The following NKAIN2 variants were observed in gnomAD, a reference collection of about 807,000 sequenced individuals.
NKAIN2 encodes the protein sodium/potassium transporting ATPase interacting 2, also known as sodium/potassium-transporting ATPase subunit beta-1-interacting protein 2.
NKAIN2 carries 14 observed loss-of-function variants against 32.6 expected under a neutral mutation model. The ratio of observed to expected loss-of-function variants is 0.43; its 90% CI spans 0.28 to 0.67. The LOEUF is 0.67. NKAIN2 is among the 30% of genes least tolerant of loss of function. The pLI is 0.17. For missense variants in NKAIN2, 198 were observed against 258.3 expected (o/e 0.77, Z 1.60); for synonymous variants, 80 against 87.2 (o/e 0.92, Z 0.46).
chr6:124,759,926 A>G (rs560487213), intron 4 of NKAIN2, among the ~76,000 whole-genome samples: 2 of 151,922 alleles, frequency 1.3e-5, no homozygotes, highest in Non-Finnish European at 2.9e-5. Context: ...GCTTAGACAA[A>G]GGTGAACAGA....
At chr6:124,644,257 T>C in intron 3 of NKAIN2, among the ~76,000 whole-genome samples, 1 of 152,160 alleles carries the variant, frequency 6.6e-6, no homozygotes, top group Admixed American at 6.5e-5. Flanking sequence ...TTTTTATCAC[T>C]ATGCTGATGA....
At chr6:124,291,126 A>C (rs753203867) in intron 2 of NKAIN2, among the ~76,000 whole-genome samples, 2 of 152,170 alleles carry the variant, frequency 1.3e-5, no homozygotes, top group Middle Eastern at 3.4e-3. Flanking sequence ...CTACCTTTAC[A>C]CTTGAGTACT....
At chr6:124,450,900 A>C (rs575594289) in intron 3 of NKAIN2, among the ~76,000 whole-genome samples, 1 of 152,220 alleles carries the variant, frequency 6.6e-6, no homozygotes, top group Non-Finnish European at 1.5e-5. Context: ...AAAAATTTAA[A>C]CAAATATAAT....
rs1790680758 is a variant in NKAIN2 at position 124,203,272 on chromosome 6, T to A, written c.55-79733T>A. Among the ~76,000 whole-genome samples the A allele has an allele frequency of 2.0e-5, 3 of 151,866 alleles. No individual in the cohort carries two copies. The South Asian group carries it at 6.2e-4, about 31-fold the overall frequency. Reference sequence around the variant, plus strand: ...CCACTAGATTATCAGTGATATCCAATGGCTGATTTTAGAGTAGAGAATAAC... The same window carrying A: ...CCACTAGATTATCAGTGATATCCAAAGGCTGATTTTAGAGTAGAGAATAAC... On this transcript the variant is annotated intron_variant, in intron 1 of 6. Coordinates refer to ENST00000368417, the MANE Select transcript of NKAIN2 (RefSeq NM_001040214.3).
intron 4 of NKAIN2, among the ~76,000 whole-genome samples, chr6:124,674,216 T>C (rs1226194444): frequency 1.3e-5 from 2 of 152,076 alleles, no homozygotes; most frequent in Non-Finnish European, 2.9e-5. Context: ...TTCATTAGTC[T>C]ATATGTATCT....
At chr6:124,215,107 A>G (rs982900077) in intron 1 of NKAIN2, among the ~76,000 whole-genome samples, 12 of 152,224 alleles carry the variant, frequency 7.9e-5, no homozygotes, top group African/African-American at 2.7e-4. Context: ...TATTAAAAAA[A>G]CAATAATCAT....
intron 5 of NKAIN2, among the ~76,000 whole-genome samples, chr6:124,813,262 A>G (rs1780995059): frequency 6.6e-6 from 1 of 152,148 alleles, no homozygotes; most frequent in Non-Finnish European, 1.5e-5. Context: ...CTGATAAGTT[A>G]TTGTTTACAT....
At chr6:124,701,917 G>T (rs907118885) in intron 4 of NKAIN2, among the ~76,000 whole-genome samples, 2 of 152,022 alleles carry the variant, frequency 1.3e-5, no homozygotes, top group African/African-American at 2.4e-5. Flanking sequence ...GATTAGTCCT[G>T]TCCCTCCATC....
intron 3 of NKAIN2, among the ~76,000 whole-genome samples, chr6:124,421,033 G>T (rs1413077850): frequency 8.9e-6 from 1 of 111,742 alleles, no homozygotes; most frequent in Non-Finnish European, 1.9e-5. Flanking sequence ...AGCTTTTCAA[G>T]AAAATTCAGG....
chr6:124,279,640 T>A (rs1795204303), intron 1 of NKAIN2, among the ~76,000 whole-genome samples: 1 of 151,842 alleles, frequency 6.6e-6, no homozygotes, highest in Non-Finnish European at 1.5e-5. Context: ...AGTTTATAGA[T>A]ACAAAAATCC....
chr6:124,724,908 C>A (rs1005719558), intron 4 of NKAIN2, among the ~76,000 whole-genome samples: 1 of 152,138 alleles, frequency 6.6e-6, no homozygotes, highest in Non-Finnish European at 1.5e-5. Context: ...ACCCTAAATT[C>A]TTCTAGTTCC....
chr6:124,721,491 C>A (rs1027418235), intron 4 of NKAIN2, among the ~76,000 whole-genome samples: 39 of 152,040 alleles, frequency 2.6e-4, no homozygotes, highest in Non-Finnish European at 1.2e-4. Flanking sequence ...AGAGTGTACA[C>A]TGAAGGATTC....
At chr6:123,883,799 G>A (rs111841582) in intron 1 of NKAIN2, among the ~76,000 whole-genome samples, 4,264 of 147,696 alleles carry the variant, frequency 0.029, 193 homozygotes, top group African/African-American at 0.099. Flanking sequence ...GGAAGCTGGG[G>A]CAGGAGAATT....
chr6:123,851,920 A>G (rs548618514), intron 1 of NKAIN2, among the ~76,000 whole-genome samples: 2 of 151,918 alleles, frequency 1.3e-5, no homozygotes, highest in African/African-American at 4.8e-5. Context: ...TTTTCATTTT[A>G]TTTTTATTTT....
chr6:124,545,318 A>G (rs1780056017), intron 3 of NKAIN2, among the ~76,000 whole-genome samples: 1 of 152,166 alleles, frequency 6.6e-6, no homozygotes, highest in Non-Finnish European at 1.5e-5. Context: ...GAAAAAAATC[A>G]TTTGAGACTG....
chr6:124,554,340 T>C (rs1307752295), intron 3 of NKAIN2, among the ~76,000 whole-genome samples: 2 of 152,236 alleles, frequency 1.3e-5, no homozygotes, highest in Non-Finnish European at 2.9e-5. Flanking sequence ...GTGTGAAATG[T>C]TTTTAAGCCA....
intron 2 of NKAIN2, among the ~76,000 whole-genome samples, chr6:124,333,591 C>T (rs373496172): frequency 5.9e-5 from 9 of 151,978 alleles, no homozygotes; most frequent in African/African-American, 1.7e-4. Flanking sequence ...ACCTGGGAGG[C>T]GGAGGTTGCA....
At chr6:124,027,858 G>A (rs56035033) in intron 1 of NKAIN2, among the ~76,000 whole-genome samples, 9,587 of 152,062 alleles carry the variant, frequency 0.063, 1,015 homozygotes, top group African/African-American at 0.22. Context: ...CAGTTAAAGA[G>A]AACTAAATAT....
chr6:123,884,674 T>A (rs1773629619), intron 1 of NKAIN2, among the ~76,000 whole-genome samples: 1 of 152,160 alleles, frequency 6.6e-6, no homozygotes, highest in South Asian at 2.1e-4. Flanking sequence ...ATTTTTTAGG[T>A]TAACAGTTTA....
Sources: gnomAD v4.1 joint callset for allele counts (sites outside exome capture counted in the v4.1 genomes callset) on GRCh38, gnomAD v4.1.1 for gene constraint, MANE v1.5 for transcripts, NCBI Gene and HGNC (gene_info 2026-07-23, HGNC 2026-07-21) for gene names.